The following PPP3CB variants were observed in gnomAD, a reference collection of about 807,000 sequenced individuals.
The protein encoded by PPP3CB is serine/threonine-protein phosphatase 2B catalytic subunit beta isoform.
Under a neutral mutation model 66.4 loss-of-function variants are expected in PPP3CB, and 8 were observed. The ratio of observed to expected loss-of-function variants is 0.12; its 90% CI spans 0.07 to 0.22. PPP3CB has a LOEUF of 0.22. Among genes scored for constraint, PPP3CB ranks in the 10% least tolerant of loss-of-function variants. The pLI, the probability that PPP3CB is intolerant of heterozygous loss-of-function variation, is 1.00. For synonymous variants in PPP3CB, 208 were observed against 221.2 expected (o/e 0.94, Z 0.53); for missense variants, 319 against 642.5 (o/e 0.50, Z 5.44).
intron 11 of PPP3CB, among the ~76,000 whole-genome samples, chr10:73,445,102 T>G (rs528188740): frequency 2.0e-5 from 3 of 152,328 alleles, no homozygotes; most frequent in African/African-American, 7.2e-5. Context: ...AAATATGGTA[T>G]TTCATATGCT....
At chr10:73,449,854 G>T (rs2056316873) in intron 10 of PPP3CB, among the ~76,000 whole-genome samples, 1 of 151,844 alleles carries the variant, frequency 6.6e-6, no homozygotes, top group African/African-American at 2.4e-5. Context: ...GGAGTGCAAT[G>T]GGGTGATCTC....
chr10:73,483,519 G>C (rs375800223), intron 1 of PPP3CB, among the ~76,000 whole-genome samples: 1 of 152,044 alleles, frequency 6.6e-6, no homozygotes, highest in African/African-American at 2.4e-5. Context: ...AGCCAGGCAT[G>C]GTGGCCGCAT....
chr10:73,465,035 T>C (rs2056597452), intron 9 of PPP3CB, among the ~76,000 whole-genome samples: 1 of 152,158 alleles, frequency 6.6e-6, no homozygotes, highest in Non-Finnish European at 1.5e-5. Flanking sequence ...AAAGTATTTA[T>C]AGATAGAAAA....
chr10:73,463,685 C>A (rs1387584936), intron 9 of PPP3CB, among the ~76,000 whole-genome samples: 1 of 152,224 alleles, frequency 6.6e-6, no homozygotes, highest in Non-Finnish European at 1.5e-5. Flanking sequence ...CTCTGTCACC[C>A]AGGCTGGAGT....
intron 1 of PPP3CB, among the ~76,000 whole-genome samples, chr10:73,483,086 T>C (rs979959863): frequency 2.0e-5 from 3 of 152,196 alleles, no homozygotes; most frequent in Non-Finnish European, 2.9e-5. Context: ...AATGCTCTAC[T>C]TCAAGTCACA....
chr10:73,440,003 C>T, intron 12 of PPP3CB, 102 bp from the exon 13 acceptor site: 1 of 1,174,108 alleles, frequency 8.5e-7, no homozygotes, highest in Non-Finnish European at 1.3e-6. Flanking sequence ...ATCACAGTAT[C>T]CCATACTACA....
intron 1 of PPP3CB, among the ~76,000 whole-genome samples, chr10:73,492,660 G>T (rs1409665308): frequency 2.6e-5 from 4 of 152,142 alleles, no homozygotes; most frequent in Non-Finnish European, 5.9e-5. Flanking sequence ...AATCAGGTGG[G>T]TTAGATCAAC....
In PPP3CB at chr10:73,436,939, T is replaced by A. The variant is rs1196998427; in HGVS notation, c.*1303A>T. 3 of 152,600 alleles carry A rather than the reference T, an allele frequency of 2.0e-5. No individual in the cohort carries two copies. The highest frequency in any genetic ancestry group is 4.4e-5 in the Non-Finnish European group (3 of 68,060). The allele number at this position is 152,600 out of a possible 1,614,324, so 9.5% of individuals were successfully genotyped here. A position where few individuals can be genotyped will look rare whatever the true frequency, so the allele number is the denominator to read the frequency against. On this transcript the variant is annotated 3_prime_UTR_variant, in exon 14 of 14. Transcript: ENST00000360663. Reference sequence around the variant, plus strand: ...GTGCACTTTCTGGCAAACAAAACAATAGATGGTTCCGCTGCCTGGAGCTCT... The same window carrying A: ...GTGCACTTTCTGGCAAACAAAACAAAAGATGGTTCCGCTGCCTGGAGCTCT...
intron 1 of PPP3CB, among the ~76,000 whole-genome samples, chr10:73,488,619 A>C (rs1032342430): frequency 5.3e-5 from 8 of 152,112 alleles, no homozygotes; most frequent in African/African-American, 1.7e-4. Context: ...CAGGAGTAGA[A>C]GTATGGATTG....
intron 1 of PPP3CB, among the ~76,000 whole-genome samples, chr10:73,481,350 T>C (rs975248002): frequency 1.3e-5 from 2 of 151,466 alleles, no homozygotes; most frequent in African/African-American, 4.8e-5. Context: ...TGCACACCTG[T>C]AGTCCCAGCT....
intron 9 of PPP3CB, among the ~76,000 whole-genome samples, chr10:73,458,812 G>A (rs763858683): frequency 6.6e-6 from 1 of 152,046 alleles, no homozygotes; most frequent in African/African-American, 2.4e-5. Flanking sequence ...GCTCATGCCT[G>A]TAATCCCAGC....
intron 9 of PPP3CB, among the ~76,000 whole-genome samples, chr10:73,459,417 C>T (rs905617029): frequency 3.3e-5 from 5 of 152,354 alleles, no homozygotes; most frequent in Non-Finnish European, 5.9e-5. Flanking sequence ...ACCCAGGAGA[C>T]GGAGCTTGCA....
Position 73,479,503 on chromosome 10 carries a change from G to C in PPP3CB, c.100C>G (p.Pro34Ala). Residue 34 changes from proline to alanine, a missense_variant, in exon 2 of 14, where the codon CCA becomes GCA. This residue lies in a region of PPP3CB where 104 missense variants were observed against 128.4 expected (regional missense o/e 0.81). Transcript: ENST00000360663. ...TCTTCAGATGTCAAGCGATGTGTTG[G>C]GGGGAAAGGGACAGCTGCAAATGTT... ...DRVVKAVPFP[P>A]THRLTSEEVF... 1.9e-6 allele frequency: 3 copies of C among 1,613,726 alleles called. No homozygotes were observed. The highest frequency in any genetic ancestry group is 2.5e-6 in the Non-Finnish European group (3 of 1,179,806).
chr10:73,438,694 C>A (rs557564077), intron 13 of PPP3CB, among the ~76,000 whole-genome samples: 1 of 152,230 alleles, frequency 6.6e-6, no homozygotes, highest in South Asian at 2.1e-4. Context: ...CTCTCCTGCC[C>A]CCAAAATCAA....
chr10:73,495,664 G>C, intron 1 of PPP3CB, 141 bp downstream of exon 1: 1 of 1,296,542 alleles, frequency 7.7e-7, no homozygotes, highest in Non-Finnish European at 1.0e-6. Context: ...GCAGGGGCCC[G>C]CCCAGGGGCC....
chr10:73,454,431 T>C lies in PPP3CB; in HGVS notation c.1167A>G (p.Glu389=). The C allele has an allele frequency of 6.2e-7, 1 of 1,610,280 alleles. No individual in the cohort carries two copies. Among genetic ancestry groups the C allele is most frequent in the Non-Finnish European group, 8.5e-7 (1 of 1,177,418 alleles). ...SICSDDELMT[E]GEDQFDGSAA... is the part of the protein sequence containing the mutation. ...TCATACCATCAAACTGGTCTTCACC[T>C]TCAGTCATTAGTTCATCATCAGAGC... The change falls in exon 10 of 14, where the codon GAA becomes GAG. Residue 389 remains glutamate (E), a synonymous_variant. Transcript: ENST00000360663.
At chr10:73,486,793 A>C (rs1314910225) in intron 1 of PPP3CB, among the ~76,000 whole-genome samples, 1 of 152,094 alleles carries the variant, frequency 6.6e-6, no homozygotes, top group East Asian at 1.9e-4. Flanking sequence ...TTCCAACATC[A>C]TCTCTCCACT....
chr10:73,495,567 T>A (rs1237071099), intron 1 of PPP3CB: 2 of 401,412 alleles, frequency 5.0e-6, no homozygotes, highest in East Asian at 1.2e-4. Flanking sequence ...CCCCTTGGGC[T>A]AGGAAGCCAC....
chr10:73,484,179 A>C (rs2133002539), intron 1 of PPP3CB, among the ~76,000 whole-genome samples: 1 of 151,980 alleles, frequency 6.6e-6, no homozygotes, highest in South Asian at 2.1e-4. Flanking sequence ...TTGTTTTGCA[A>C]CTCCTAAAGC....
Sources: gnomAD v4.1 joint callset for allele counts (sites outside exome capture counted in the v4.1 genomes callset) on GRCh38, gnomAD v4.1.1 for gene constraint, gnomAD v4.1.1 regional missense constraint, MANE v1.5 for transcripts, NCBI Gene and HGNC (gene_info 2026-07-23, HGNC 2026-07-21) for gene names.